The following UBE2W variants were observed in gnomAD, a reference collection of about 807,000 sequenced individuals.
UBE2W encodes the protein ubiquitin-conjugating enzyme E2 W.
Under a neutral mutation model 27.2 loss-of-function variants are expected in UBE2W, and 18 were observed. The observed-to-expected ratio is 0.66, with a 90% CI of 0.46 to 0.98. The LOEUF is 0.98. Among genes scored for constraint, UBE2W ranks in the 50% least tolerant of loss-of-function variants. The probability of loss-of-function intolerance (pLI) is 0.00; values close to 1 mark genes in which losing one functional copy is unlikely to be tolerated. For missense variants in UBE2W, 90 were observed against 180.2 expected (o/e 0.50, Z 2.87); for synonymous variants, 53 against 57.2 (o/e 0.93, Z 0.33).
intron 1 of UBE2W, among the ~76,000 whole-genome samples, chr8:73,835,617 G>A (rs1458497173): frequency 1.3e-5 from 2 of 152,132 alleles, no homozygotes; most frequent in Non-Finnish European, 2.9e-5. Flanking sequence ...GGTGGCATGC[G>A]TCTGTAATCT....
intron 1 of UBE2W, among the ~76,000 whole-genome samples, chr8:73,869,561 C>G (rs1811913895): frequency 6.6e-6 from 1 of 152,170 alleles, no homozygotes. Flanking sequence ...TGTGGTGGCG[C>G]ACGCCTGCAG....
At chr8:73,819,985 C>G (rs974159389) in intron 3 of UBE2W, among the ~76,000 whole-genome samples, 7 of 151,990 alleles carry the variant, frequency 4.6e-5, no homozygotes, top group Non-Finnish European at 7.4e-5. Flanking sequence ...ACTTTTCTTT[C>G]TTTTTTTTAT....
chr8:73,794,556 T>C (rs1041682002), intron 5 of UBE2W, among the ~76,000 whole-genome samples: 3 of 152,186 alleles, frequency 2.0e-5, no homozygotes, highest in African/African-American at 7.2e-5. Flanking sequence ...TCTTTACCAA[T>C]GAGATACAAT....
chr8:73,805,459 A>AAAAAAAAAAAC, intron 5 of UBE2W, among the ~76,000 whole-genome samples, 192 bp downstream of exon 5: 1 of 134,564 alleles, frequency 7.4e-6, no homozygotes, highest in East Asian at 2.1e-4. Flanking sequence ...CATCTCAAAA[A>AAAAAAAAAAAC]AAAAAAAAAA....
intron 1 of UBE2W, among the ~76,000 whole-genome samples, chr8:73,845,108 C>CCCGGCCAG (rs1810732460): frequency 6.6e-6 from 1 of 151,954 alleles, no homozygotes; most frequent in South Asian, 2.1e-4. Context: ...GCAGCCCCCG[C>CCCGGCCAG]CTGGCCGCCG....
At chr8:73,859,693 G>A (rs186727141) in intron 1 of UBE2W, among the ~76,000 whole-genome samples, 12 of 152,188 alleles carry the variant, frequency 7.9e-5, no homozygotes, top group South Asian at 2.1e-4. Flanking sequence ...AGTTATATAC[G>A]GATTTTTGAC....
In UBE2W at chr8:73,815,967, G is replaced by T. The variant is rs138754129; in HGVS notation, c.211-5338C>A. ...TATTGTTGTAATGGAAACTAAATCA[G>T]ATATTTATGTATAACATACAATATA... is the stretch of plus-strand genomic sequence containing the variant. On this transcript the variant is annotated intron_variant, in intron 3 of 5. Coordinates refer to ENST00000602593, the MANE Select transcript of UBE2W (RefSeq NM_018299.6). Among the ~76,000 whole-genome samples, 457 of 152,272 alleles carry T rather than the reference G, an allele frequency of 3.0e-3. 2 individuals carry two copies. Among genetic ancestry groups the T allele is most frequent in the African/African-American group, 0.011 (437 of 41,554 alleles).
intron 1 of UBE2W, among the ~76,000 whole-genome samples, chr8:73,875,880 T>A (rs1234777739): frequency 6.6e-6 from 1 of 151,894 alleles, no homozygotes. Context: ...CAAAACCCAG[T>A]CTCCACTAAA....
At chr8:73,869,266 C>CT (rs780729644) in intron 1 of UBE2W, among the ~76,000 whole-genome samples, 1 of 152,086 alleles carries the variant, frequency 6.6e-6, no homozygotes, top group South Asian at 2.1e-4. Context: ...TATATAAAAG[C>CT]TTTTTTTAAG....
downstream of UBE2W, among the ~76,000 whole-genome samples, chr8:73,783,953 G>T (rs986632434): frequency 2.0e-5 from 3 of 152,072 alleles, no homozygotes; most frequent in Non-Finnish European, 2.9e-5. Context: ...GTAGAGACAA[G>T]TTGGCTAGGC....
rs569695334 is a variant in UBE2W, at chr8:73,863,960, A to C, written c.15+14848T>G. On this transcript the variant is annotated intron_variant, in intron 1 of 5. Coordinates refer to ENST00000602593, the MANE Select transcript of UBE2W (RefSeq NM_018299.6). ...AAAACAAAAAACAAACCAAAAAAAAAAAAGGAGGAAAGTATGATCTACAGT... is the reference window on the plus strand; with the variant it reads ...AAAACAAAAAACAAACCAAAAAAAACAAAGGAGGAAAGTATGATCTACAGT... Among the ~76,000 whole-genome samples, 6 of 152,256 alleles carry C rather than the reference A, an allele frequency of 3.9e-5. No homozygotes were observed. The South Asian group carries it at 1.2e-3, about 32-fold the overall frequency.
intron 1 of UBE2W, among the ~76,000 whole-genome samples, chr8:73,859,519 G>A (rs974123808): frequency 2.0e-5 from 3 of 152,136 alleles, no homozygotes; most frequent in South Asian, 2.1e-4. Context: ...ATATATTTTC[G>A]CTCATGATTT....
At position 73,844,171 on chromosome 8, in the gene UBE2W, C is replaced by T. The variant is rs2623310; in HGVS notation, c.16-13699G>A. 7.2e-3 allele frequency among the ~76,000 whole-genome samples: 29 copies of T among 4,012 alleles called. 1 individual carries two copies. Among genetic ancestry groups the T allele is most frequent in the East Asian group, 6.8e-3 (1 of 148 alleles). The allele number at this position is 4,012 out of a possible 152,430, so 2.6% of individuals were successfully genotyped here. On this transcript the variant is annotated intron_variant, in intron 1 of 5. Transcript: ENST00000602593. ...AAGAGCTAATTCCCCTCCCCCTCCCCCTCTGCACGGACTCCCTCTGATGCC... is the reference window on the plus strand; with the variant it reads ...AAGAGCTAATTCCCCTCCCCCTCCCTCTCTGCACGGACTCCCTCTGATGCC...
chr8:73,854,238 T>A (rs550992028), intron 1 of UBE2W, among the ~76,000 whole-genome samples: 1 of 151,740 alleles, frequency 6.6e-6, no homozygotes, highest in South Asian at 2.1e-4. Context: ...TACCATAAAA[T>A]TAGGGGAGGC....
chr8:73,865,073 C>T (rs947900418), intron 1 of UBE2W, among the ~76,000 whole-genome samples: 21 of 147,584 alleles, frequency 1.4e-4, no homozygotes, highest in Non-Finnish European at 2.4e-4. Flanking sequence ...CACAAAAAAG[C>T]GAAATAATGT....
intron 3 of UBE2W, 61 bp downstream of exon 3, chr8:73,825,086 A>G: frequency 1.9e-6 from 2 of 1,029,108 alleles, no homozygotes; most frequent in Non-Finnish European, 2.9e-6. Flanking sequence ...ACTGAGTCAA[A>G]CATCTCTGGC....
rs1257161329 is a variant in UBE2W, at chr8:73,863,329, C to T, written c.15+15479G>A. On this transcript the variant is annotated intron_variant, in intron 1 of 5. Coordinates refer to ENST00000602593, the MANE Select transcript of UBE2W (RefSeq NM_018299.6). ...CATTCTCAGTAAACTATCGCAAGAA[C>T]AAAAAACCAAACACCGCATATTCTC... is the stretch of plus-strand genomic sequence containing the variant. Among the ~76,000 whole-genome samples, 3 of 137,276 alleles carry T rather than the reference C, an allele frequency of 2.2e-5. 1 individual carries two copies. Among genetic ancestry groups the T allele is most frequent in the South Asian group, 4.5e-4 (2 of 4,402 alleles). 90.1% of individuals were successfully genotyped at this position (137,276 alleles called of 152,430 possible). A position where few individuals can be genotyped will look rare whatever the true frequency, so the allele number is the denominator to read the frequency against.
chr8:73,795,172 C>T (rs1265150780), intron 5 of UBE2W, among the ~76,000 whole-genome samples: 1 of 6,648 alleles, frequency 1.5e-4, no homozygotes, highest in Non-Finnish European at 2.3e-4. Context: ...AAATATTTTA[C>T]AGACTGATAT....
At chr8:73,832,844 A>G (rs1189394337) in intron 1 of UBE2W, among the ~76,000 whole-genome samples, 1 of 152,180 alleles carries the variant, frequency 6.6e-6, no homozygotes, top group Admixed American at 6.5e-5. Flanking sequence ...AGCTTGAGTT[A>G]AAAGTGCTTA....
Sources: allele counts gnomAD v4.1 joint callset (sites outside exome capture counted in the v4.1 genomes callset), GRCh38; gene constraint gnomAD v4.1.1; transcripts MANE v1.5; gene names NCBI Gene and HGNC (gene_info 2026-07-23, HGNC 2026-07-21).